Variants in CACNA1D observed in about 807,000 individuals in gnomAD.
The protein encoded by CACNA1D is voltage-dependent L-type calcium channel subunit alpha-1D.
Under a neutral mutation model 257.1 loss-of-function variants are expected in CACNA1D, and 55 were observed. The observed-to-expected ratio is 0.21, with a 90% CI of 0.17 to 0.27. CACNA1D has a LOEUF of 0.27. Among genes scored for constraint, CACNA1D ranks in the 10% least tolerant of loss-of-function variants. The pLI is 1.00. For missense variants in CACNA1D, 1,876 were observed against 2,784.0 expected (o/e 0.67, Z 7.34); for synonymous variants, 980 against 1,014.9 (o/e 0.97, Z 0.65).
At chr3:53,638,564 G>C (rs2093912801) in intron 3 of CACNA1D, among the ~76,000 whole-genome samples, 1 of 152,220 alleles carries the variant, frequency 6.6e-6, no homozygotes, top group African/African-American at 2.4e-5. Flanking sequence ...GAAGACACTG[G>C]CTCTTGTTTA....
intron 3 of CACNA1D, among the ~76,000 whole-genome samples, chr3:53,567,385 A>G (rs1042438834): frequency 6.6e-6 from 1 of 152,234 alleles, no homozygotes; most frequent in Non-Finnish European, 1.5e-5. Context: ...GTGCTGTTGA[A>G]CAAAAGGTGT....
chr3:53,649,277 G>A (rs1481155900), intron 3 of CACNA1D, among the ~76,000 whole-genome samples: 2 of 152,180 alleles, frequency 1.3e-5, no homozygotes, highest in Non-Finnish European at 2.9e-5. Context: ...TTTTAAAAAT[G>A]TTTCTGAATA....
chr3:53,729,215 A>G (rs2094964070), intron 15 of CACNA1D, among the ~76,000 whole-genome samples: 1 of 152,234 alleles, frequency 6.6e-6, no homozygotes, highest in East Asian at 1.9e-4. Flanking sequence ...ATAGGCCAGC[A>G]TGTCAAAGGC....
chr3:53,593,479 T>C (rs2093333467), intron 3 of CACNA1D, among the ~76,000 whole-genome samples: 1 of 152,208 alleles, frequency 6.6e-6, no homozygotes, highest in African/African-American at 2.4e-5. Flanking sequence ...GAGTGGTAAA[T>C]ACTTTGGAAG....
chr3:53,566,727 G>C, intron 3 of CACNA1D, among the ~76,000 whole-genome samples: 1 of 152,110 alleles, frequency 6.6e-6, no homozygotes, highest in Non-Finnish European at 1.5e-5. Flanking sequence ...GAGCAGGCCC[G>C]TGCCCCACCA....
rs949255436 is a variant in CACNA1D at position 53,673,185 on chromosome 3, AC to A, written c.1220+60del. The A allele has an allele frequency of 6.6e-6, 8 of 1,209,920 alleles. No individual in the cohort carries two copies. The highest frequency in any genetic ancestry group is 9.5e-6 in the Non-Finnish European group (8 of 838,122). 74.9% of individuals were successfully genotyped at this position (1,209,920 alleles called of 1,614,324 possible). ...TCCTGAGGACAGTTGCCAAGACCAC[AC>A]AAGCTTTGCTGGATGAGGGCCGCCA... On this transcript the variant is annotated intron_variant, in intron 8 of 47. Transcript: ENST00000350061. The surrounding 1 kb of genome is among the most constrained non-coding windows in gnomAD (Gnocchi z 4.1).
Position 53,494,619 on chromosome 3 carries a change from C to CGTGCG in CACNA1D, c.-546_-542dup, listed in dbSNP as rs1369032498. ...CGCAGCGTCGCCAGGGCGAAGCCGG[C>CGTGCG]GTGCGGCGCGGCGCGGCGGGCGCGG... On this transcript the variant is annotated 5_prime_UTR_variant, in exon 1 of 48. Coordinates refer to ENST00000350061, the MANE Select transcript of CACNA1D (RefSeq NM_001128840.3). 1 of 146,008 alleles carries CGTGCG rather than the reference C, an allele frequency of 6.8e-6. No individual in the cohort carries two copies. Among genetic ancestry groups the CGTGCG allele is most frequent in the Non-Finnish European group, 1.5e-5 (1 of 65,656 alleles). 9.0% of individuals were successfully genotyped at this position (146,008 alleles called of 1,614,324 possible). A position where few individuals can be genotyped will look rare whatever the true frequency, so the allele number is the denominator to read the frequency against.
intron 38 of CACNA1D, among the ~76,000 whole-genome samples, chr3:53,780,611 C>T (rs534505251): frequency 7.4e-4 from 113 of 152,330 alleles, no homozygotes; most frequent in Non-Finnish European, 1.2e-3. Flanking sequence ...ACAGTCAGCA[C>T]TTGAGAAATA....
chr3:53,652,448 C>T (rs991907795), intron 4 of CACNA1D, among the ~76,000 whole-genome samples: 4 of 152,154 alleles, frequency 2.6e-5, no homozygotes, highest in African/African-American at 9.7e-5. Context: ...CCTTAGAGTA[C>T]TCTTCAGTTT....
At chr3:53,669,238 A>C (rs1576296938) in intron 7 of CACNA1D, among the ~76,000 whole-genome samples, 1 of 152,380 alleles carries the variant, frequency 6.6e-6, no homozygotes, top group East Asian at 1.9e-4. Flanking sequence ...CATGGGCCAC[A>C]GTCAGCTGGA....
chr3:53,650,982 T>C lies in CACNA1D; in HGVS notation c.623+64T>C, dbSNP rs779058168. ...AATGGGAGGTGGAGGTTGGGGGGGG[T>C]GGTGGTAACAAAACAGTCTTTTTAG... On this transcript the variant is annotated intron_variant, in intron 4 of 47. Coordinates refer to ENST00000350061, the MANE Select transcript of CACNA1D (RefSeq NM_001128840.3). 8.5e-5 allele frequency: 83 copies of C among 980,358 alleles called. No individual in the cohort carries two copies. The African/African-American group carries it at 1.3e-3, about 15-fold the overall frequency. The allele number at this position is 980,358 out of a possible 1,614,324, so 60.7% of individuals were successfully genotyped here. A position where few individuals can be genotyped will look rare whatever the true frequency, so the allele number is the denominator to read the frequency against.
chr3:53,497,673 G>A (rs915064497), intron 2 of CACNA1D, among the ~76,000 whole-genome samples: 2 of 152,152 alleles, frequency 1.3e-5, no homozygotes, highest in African/African-American at 4.8e-5. Context: ...GTCTGGATGT[G>A]TGTATAGTAG....
chr3:53,761,583 G>A (rs933537885), intron 29 of CACNA1D, among the ~76,000 whole-genome samples: 2 of 152,226 alleles, frequency 1.3e-5, no homozygotes, highest in Non-Finnish European at 2.9e-5. Flanking sequence ...GCAATACCTG[G>A]TGACAGTGCT....
rs2095204869 is a variant in CACNA1D at position 53,749,488 on chromosome 3, T to G, written c.3516+19T>G. Reference sequence around the variant, plus strand: ...AAATCAGGTTAAAGTCACACACTGTTTTGGCTTCTGTCCCTTGGTCAGGAG... The same window carrying G: ...AAATCAGGTTAAAGTCACACACTGTGTTGGCTTCTGTCCCTTGGTCAGGAG... On this transcript the variant is annotated intron_variant, in intron 27 of 47. Coordinates refer to ENST00000350061, the MANE Select transcript of CACNA1D (RefSeq NM_001128840.3). 3.2e-6 allele frequency: 5 copies of G among 1,580,648 alleles called. No individual in the cohort carries two copies. Among genetic ancestry groups the G allele is most frequent in the Non-Finnish European group, 4.3e-6 (5 of 1,149,682 alleles).
At chr3:53,750,510 A>G (rs2108872235) in intron 27 of CACNA1D, among the ~76,000 whole-genome samples, 1 of 152,308 alleles carries the variant, frequency 6.6e-6, no homozygotes, top group Middle Eastern at 3.4e-3. Flanking sequence ...GGCTGTACCC[A>G]CTGGGAAATG....
intron 40 of CACNA1D, 98 bp downstream of exon 40, chr3:53,787,050 A>T (rs2095457611): frequency 5.3e-6 from 7 of 1,320,478 alleles, no homozygotes; most frequent in Non-Finnish European, 6.5e-6. Context: ...GAGCAGTACC[A>T]CAAGGATTTT....
intron 2 of CACNA1D, among the ~76,000 whole-genome samples, chr3:53,500,683 T>C (rs1433338599): frequency 6.6e-6 from 1 of 152,220 alleles, no homozygotes; most frequent in Non-Finnish European, 1.5e-5. Context: ...AACCTTGTAT[T>C]TGGAAAGGCT....
chr3:53,516,026 A>T (rs928178111), intron 3 of CACNA1D, among the ~76,000 whole-genome samples: 1 of 152,140 alleles, frequency 6.6e-6, no homozygotes, highest in Non-Finnish European at 1.5e-5. Flanking sequence ...TGGGTTTGGG[A>T]ATGAACAAAT....
At position 53,782,264 on chromosome 3, in the gene CACNA1D, G is replaced by GTGTGTATATATA. The variant is rs6147823; in HGVS notation, c.4792+598_4792+599insGTGTATATATAT. 167 of 75,436 alleles carry GTGTGTATATATA rather than the reference G, an allele frequency of 2.2e-3. 1 individual carries two copies. The highest frequency in any genetic ancestry group is 0.019 in the Middle Eastern group (2 of 104). The allele number at this position is 75,436 out of a possible 1,614,324, so 4.7% of individuals were successfully genotyped here. ...AGTGTGTGTGTGTGTGTGTGTGTGTGTATATATATATATATATATATATAT... is the reference window on the plus strand; with the variant it reads ...AGTGTGTGTGTGTGTGTGTGTGTGTGTGTGTATATATATATATATATATATATATATATATAT... On this transcript the variant is annotated intron_variant, in intron 39 of 47. Coordinates refer to ENST00000350061, the MANE Select transcript of CACNA1D (RefSeq NM_001128840.3).
Sources: allele counts gnomAD v4.1 joint callset (sites outside exome capture counted in the v4.1 genomes callset), GRCh38; gene constraint gnomAD v4.1.1; non-coding constraint Gnocchi (gnomAD v3.1); transcripts MANE v1.5; gene names NCBI Gene and HGNC (gene_info 2026-07-23, HGNC 2026-07-21).